PRKD3: variants seen among roughly 807,000 people sequenced by gnomAD.
PRKD3 encodes the protein serine/threonine-protein kinase D3.
A neutral mutation model predicts 99.2 loss-of-function variants in PRKD3; 47 were observed. That is an observed-to-expected ratio of 0.47 (90% CI 0.38 to 0.60). The LOEUF (loss-of-function observed/expected upper bound fraction) is 0.60, where lower values mean the gene tolerates loss of function less well. PRKD3 is among the 20% of genes least tolerant of loss of function. The pLI is 0.00. For synonymous variants in PRKD3, 392 were observed against 355.4 expected (o/e 1.10, Z -1.16); for missense variants, 1,019 against 1,088.4 (o/e 0.94, Z 0.90).
intron 18 of PRKD3, 172 bp from the exon 19 acceptor site, chr2:37,253,522 G>T: frequency 2.1e-6 from 1 of 480,236 alleles, no homozygotes. Flanking sequence ...TTTTAAATGA[G>T]CAATTTAAAG....
rs1375586205 is a variant in PRKD3, at chr2:37,258,253, CAT to C, written c.2146-1326_2146-1325del. Among the ~76,000 whole-genome samples, 4 of 152,332 alleles carry C rather than the reference CAT, an allele frequency of 2.6e-5. No homozygotes were observed. In the East Asian group the frequency reaches 5.8e-4, roughly 22 times the overall value. The stretch of plus-strand genomic sequence containing the variant: ...ATTTCTGGGATGGTGGACTCTGACA[CAT>C]ATTTTTATGAATGATATTTGCTCAA... On this transcript the variant is annotated intron_variant, in intron 16 of 18. Transcript: ENST00000234179.
intron 16 of PRKD3, among the ~76,000 whole-genome samples, chr2:37,258,830 AGTCTTGC>A (rs1668180681): frequency 6.6e-6 from 1 of 152,222 alleles, no homozygotes; most frequent in South Asian, 2.1e-4. Context: ...TGTTGTCCTT[AGTCTTGC>A]CATTTGTCTA....
In PRKD3 at chr2:37,316,673, A is replaced by G. The variant is rs1299737294; in HGVS notation, c.-149T>C. 2 of 1,439,290 alleles carry G rather than the reference A, an allele frequency of 1.4e-6. No individual in the cohort carries two copies. The highest frequency in any genetic ancestry group is 1.8e-6 in the Non-Finnish European group (2 of 1,103,706). 89.2% of individuals were successfully genotyped at this position (1,439,290 alleles called of 1,614,324 possible). A position where few individuals can be genotyped will look rare whatever the true frequency, so the allele number is the denominator to read the frequency against. ...TTCCTCTGTTAAGCCACTCATGCCG[A>G]TACTTTTAAGTTTTATCAAGGAGTT... is the stretch of plus-strand genomic sequence containing the variant. On this transcript the variant is annotated 5_prime_UTR_variant, in exon 2 of 19. Transcript: ENST00000234179.
chr2:37,319,093 A>G (rs966130925), intron 1 of PRKD3, among the ~76,000 whole-genome samples: 2 of 152,216 alleles, frequency 1.3e-5, no homozygotes, highest in African/African-American at 2.4e-5. Flanking sequence ...CACTTTATAC[A>G]TATTACCTCA....
At chr2:37,283,555 C>T (rs543163842) in intron 6 of PRKD3, among the ~76,000 whole-genome samples, 1 of 152,254 alleles carries the variant, frequency 6.6e-6, no homozygotes, top group South Asian at 2.1e-4. Flanking sequence ...TACTTTAAAA[C>T]ACTATCCTTG....
intron 13 of PRKD3, chr2:37,268,236 C>T (rs922837724): frequency 6.7e-6 from 3 of 450,762 alleles, no homozygotes; most frequent in African/African-American, 2.0e-5. Flanking sequence ...CTCAATGGCA[C>T]AATCGTAAGT....
rs530095227 is a variant in PRKD3, at chr2:37,308,370, G to A, written c.288+7867C>T. On this transcript the variant is annotated intron_variant, in intron 2 of 18. Coordinates refer to ENST00000234179, the MANE Select transcript of PRKD3 (RefSeq NM_005813.6). ...GGTTTGATAGTCAATTCCATTATAT[G>A]TAAATTTTCTTTTGAGTTTCCACAT... is the stretch of plus-strand genomic sequence containing the variant. Among the ~76,000 whole-genome samples, 16 of 152,216 alleles carry A rather than the reference G, an allele frequency of 1.1e-4. No homozygotes were observed. The South Asian group carries it at 3.3e-3, about 32-fold the overall frequency.
At position 37,279,805 on chromosome 2, in the gene PRKD3, G is replaced by T. The variant is rs377237026; in HGVS notation, c.1113C>A (p.Phe371Leu). ...EEPSPPEDKM[F>L]FLDPSDLDVE... ...CATCGAGATCAGATGGATCCAAGAA[G>T]AACATCTTATCTTCTGGGGGTGATG... Residue 371 changes from phenylalanine to leucine, a missense_variant, in exon 8 of 19, where the codon TTC (phenylalanine) becomes TTA (leucine). This residue lies in a region of PRKD3 where 710 missense variants were observed against 692.7 expected (regional missense o/e 1.02). Coordinates refer to ENST00000234179, the MANE Select transcript of PRKD3 (RefSeq NM_005813.6). 6.2e-7 allele frequency: 1 copy of T among 1,613,820 alleles called. No individual in the cohort carries two copies. The highest frequency in any genetic ancestry group is 1.7e-4 in the Middle Eastern group (1 of 6,058).
Position 37,324,732 on chromosome 2 carries a change from C to T in PRKD3, c.-707G>A, listed in dbSNP as rs1672048908. The T allele has an allele frequency of 6.6e-6, 1 of 151,328 alleles. No homozygotes were observed. Among genetic ancestry groups the T allele is most frequent in the African/African-American group, 2.4e-5 (1 of 41,354 alleles). The allele number at this position is 151,328 out of a possible 1,614,324, so 9.4% of individuals were successfully genotyped here. On this transcript the variant is annotated 5_prime_UTR_variant, in exon 1 of 19. Coordinates refer to ENST00000234179, the MANE Select transcript of PRKD3 (RefSeq NM_005813.6). ...AACTGCGCCCGCCAGCGTCTGAGTACCGGACGAGGCGCCAGCGAGGCTTCA... is the reference window on the plus strand; with the variant it reads ...AACTGCGCCCGCCAGCGTCTGAGTATCGGACGAGGCGCCAGCGAGGCTTCA...
chr2:37,273,332 C>G (rs1406043373), intron 11 of PRKD3, among the ~76,000 whole-genome samples: 3 of 152,102 alleles, frequency 2.0e-5, no homozygotes, highest in Non-Finnish European at 4.4e-5. Context: ...TCTACTTACA[C>G]CCATTCCAAC....
At chr2:37,289,822 G>C (rs1237246791) in intron 4 of PRKD3, among the ~76,000 whole-genome samples, 1 of 152,158 alleles carries the variant, frequency 6.6e-6, no homozygotes, top group African/African-American at 2.4e-5. Context: ...AAACTACGGG[G>C]ATGAGGCCCA....
intron 2 of PRKD3, among the ~76,000 whole-genome samples, chr2:37,310,910 C>A (rs1295651049): frequency 6.6e-6 from 1 of 152,166 alleles, no homozygotes; most frequent in East Asian, 1.9e-4. Flanking sequence ...TCATTGCTGG[C>A]AACTACACGT....
At chr2:37,324,615 A>AGGG (rs1553381768) in intron 1 of PRKD3, 66 bp downstream of exon 1, 1 of 143,092 alleles carries the variant, frequency 7.0e-6, no homozygotes, top group Non-Finnish European at 1.5e-5. Flanking sequence ...GGGAGAACAA[A>AGGG]GCGGCGGCGG....
intron 2 of PRKD3, among the ~76,000 whole-genome samples, chr2:37,306,053 C>G (rs1671151384): frequency 6.7e-6 from 1 of 148,446 alleles, no homozygotes; most frequent in Non-Finnish European, 1.5e-5. Context: ...ACTCTGTTAT[C>G]TCTTCCTTGG....
chr2:37,260,180 A>G, intron 15 of PRKD3, 43 bp downstream of exon 15: 1 of 1,516,196 alleles, frequency 6.6e-7, no homozygotes, highest in Non-Finnish European at 9.0e-7. Flanking sequence ...AAAAAAAATT[A>G]GTTTTTAATC....
intron 6 of PRKD3, among the ~76,000 whole-genome samples, chr2:37,285,614 T>C (rs1196410719): frequency 6.6e-6 from 1 of 152,214 alleles, no homozygotes; most frequent in Non-Finnish European, 1.5e-5. Context: ...TATTTTTATT[T>C]TGTTTAGTGT....
At chr2:37,299,948 G>C (rs188456803) in intron 2 of PRKD3, among the ~76,000 whole-genome samples, 111 of 152,274 alleles carry the variant, frequency 7.3e-4, no homozygotes, top group Admixed American at 1.6e-3. Flanking sequence ...ATGTAAATCA[G>C]TACAGTCACT....
At chr2:37,321,690 C>T (rs1671890742) in intron 1 of PRKD3, among the ~76,000 whole-genome samples, 2 of 152,158 alleles carry the variant, frequency 1.3e-5, no homozygotes, top group South Asian at 4.1e-4. Flanking sequence ...ACATAACATT[C>T]ATACAAACAG....
chr2:37,284,232 T>C (rs970542137), intron 6 of PRKD3, among the ~76,000 whole-genome samples: 93 of 152,342 alleles, frequency 6.1e-4, no homozygotes, highest in African/African-American at 2.2e-3. Flanking sequence ...TCTTAATTCA[T>C]ACTATTAAAA....
Sources: allele counts gnomAD v4.1 joint callset (sites outside exome capture counted in the v4.1 genomes callset), GRCh38; gene constraint gnomAD v4.1.1; regional missense constraint gnomAD v4.1.1; transcripts MANE v1.5; gene names NCBI Gene and HGNC (gene_info 2026-07-23, HGNC 2026-07-21).